The following KIF26B variants were observed in gnomAD, a reference collection of about 807,000 sequenced individuals.
The protein encoded by KIF26B is kinesin family member 26B.
KIF26B carries 63 observed loss-of-function variants against 151.2 expected under a neutral mutation model. That is an observed-to-expected ratio of 0.42 (90% CI 0.34 to 0.51). KIF26B has a LOEUF of 0.51. Ranked by LOEUF, KIF26B falls within the 20% of genes least tolerant of loss-of-function variation. The pLI is 0.07. For missense variants in KIF26B, 2,813 were observed against 2,913.6 expected (o/e 0.97, Z 0.79); for synonymous variants, 1,357 against 1,262.1 (o/e 1.08, Z -1.59).
chr1:245,549,285 CAT>C (rs1180690752), intron 5 of KIF26B, among the ~76,000 whole-genome samples: 1 of 152,156 alleles, frequency 6.6e-6, no homozygotes, highest in Non-Finnish European at 1.5e-5. Context: ...GGAATAAAAA[CAT>C]GAGATAAAAT....
chr1:245,608,671 T>G (rs2043483401), intron 7 of KIF26B, among the ~76,000 whole-genome samples: 1 of 152,174 alleles, frequency 6.6e-6, no homozygotes, highest in South Asian at 2.1e-4. Flanking sequence ...TGTAAAGCAG[T>G]GCAGGAACTG....
Position 245,685,490 on chromosome 1 carries a change from G to A in KIF26B, c.2507G>A (p.Arg836Lys). Residue 836 changes from arginine to lysine, a missense_variant, in exon 12 of 15, where the codon AGG becomes AAG. Transcript: ENST00000407071. ...ACCCAGCTGAGACCCTTCCACACCAGGGCCACGGTGGACCCTGACTTCCCC... is the reference window on the plus strand; with the variant it reads ...ACCCAGCTGAGACCCTTCCACACCAAGGCCACGGTGGACCCTGACTTCCCC... ...RPTQLRPFHTRATVDPDFPIA... is the reference protein window; with the variant it reads ...RPTQLRPFHTKATVDPDFPIA... 1 of 1,613,710 alleles carries A rather than the reference G, an allele frequency of 6.2e-7. No homozygotes were observed. Among genetic ancestry groups the A allele is most frequent in the Non-Finnish European group, 8.5e-7 (1 of 1,179,780 alleles).
At chr1:245,617,232 G>C (rs894629114) in intron 9 of KIF26B, among the ~76,000 whole-genome samples, 1 of 152,200 alleles carries the variant, frequency 6.6e-6, no homozygotes, top group African/African-American at 2.4e-5. Context: ...GAGTAGCTGA[G>C]ATGACAGGCG....
chr1:245,646,113 T>G lies in KIF26B; in HGVS notation c.2099-8T>G. On this transcript the variant is annotated splice_polypyrimidine_tract_variant and splice_region_variant and intron_variant, in intron 9 of 14. Transcript: ENST00000407071. ...ACCATTTCTCTTTTATCTTCTCCCCTGTGGTAGTGTCTGGAGGTCGCAGCC... is the reference window on the plus strand; with the variant it reads ...ACCATTTCTCTTTTATCTTCTCCCCGGTGGTAGTGTCTGGAGGTCGCAGCC... 1 of 1,613,636 alleles carries G rather than the reference T, an allele frequency of 6.2e-7. No individual in the cohort carries two copies.
At chr1:245,237,962 G>T (rs867392689) in intron 2 of KIF26B, among the ~76,000 whole-genome samples, 28 of 151,708 alleles carry the variant, frequency 1.8e-4, no homozygotes, top group Middle Eastern at 3.4e-3. Flanking sequence ...GGAGGTCGAG[G>T]CTGTGGTGAG....
At chr1:245,574,582 G>A (rs1004458718) in intron 5 of KIF26B, among the ~76,000 whole-genome samples, 1 of 152,200 alleles carries the variant, frequency 6.6e-6, no homozygotes, top group African/African-American at 2.4e-5. Context: ...CCCCTGGAAG[G>A]TTCTGGAGTT....
intron 5 of KIF26B, among the ~76,000 whole-genome samples, chr1:245,552,469 C>T (rs1197515590): frequency 6.6e-6 from 1 of 152,066 alleles, no homozygotes; most frequent in African/African-American, 2.4e-5. Flanking sequence ...TATCTGAATA[C>T]CGGGGCCCAG....
intron 2 of KIF26B, among the ~76,000 whole-genome samples, chr1:245,283,608 A>G (rs1671104703): frequency 6.6e-6 from 1 of 152,074 alleles, no homozygotes; most frequent in African/African-American, 2.4e-5. Context: ...CCTGTGTGCA[A>G]AAAAGTATAT....
intron 4 of KIF26B, among the ~76,000 whole-genome samples, chr1:245,494,027 G>C (rs80081661): frequency 1.3e-5 from 2 of 152,110 alleles, no homozygotes; most frequent in African/African-American, 2.4e-5. Flanking sequence ...CACATGGCGG[G>C]GTGCGGTGGC....
intron 6 of KIF26B, among the ~76,000 whole-genome samples, 166 bp from the exon 7 acceptor site, chr1:245,607,485 C>T (rs1435582814): frequency 6.6e-6 from 1 of 152,206 alleles, no homozygotes; most frequent in Non-Finnish European, 1.5e-5. Context: ...CGGAAGGTCG[C>T]CAGGGGTTCT....
intron 4 of KIF26B, among the ~76,000 whole-genome samples, chr1:245,478,851 GT>G (rs1447396715): frequency 1.3e-5 from 2 of 151,814 alleles, no homozygotes; most frequent in African/African-American, 4.8e-5. Flanking sequence ...TCAGACCAGG[GT>G]GGGAGCAGTG....
rs1416404900 is a variant in KIF26B, at chr1:245,167,217, A to C, written c.465+10534A>C. On this transcript the variant is annotated intron_variant, in intron 2 of 14. Coordinates refer to ENST00000407071, the MANE Select transcript of KIF26B (RefSeq NM_018012.4). The surrounding 1 kb of genome is among the most constrained non-coding windows in gnomAD (Gnocchi z 4.2). ...TTTTTTGCTTGAAAGCATGAGCTGC[A>C]AATAATAAATTAAAATCCGCTTTTC... Among the ~76,000 whole-genome samples the C allele has an allele frequency of 1.3e-5, 2 of 152,106 alleles. No individual in the cohort carries two copies. The highest frequency in any genetic ancestry group is 2.9e-5 in the Non-Finnish European group (2 of 68,022).
chr1:245,372,536 T>C lies in KIF26B; in HGVS notation c.999+5169T>C, dbSNP rs553233302. Among the ~76,000 whole-genome samples the C allele has an allele frequency of 1.7e-3, 265 of 152,280 alleles. 2 individuals carry two copies. The highest frequency in any genetic ancestry group is 5.9e-3 in the African/African-American group (244 of 41,568). The stretch of plus-strand genomic sequence containing the variant: ...CCTCCTCCCACCCTCCACCCCCAAG[T>C]AGGCCCAGTGTCTATTGTTCCTCGT... On this transcript the variant is annotated intron_variant, in intron 3 of 14. Coordinates refer to ENST00000407071, the MANE Select transcript of KIF26B (RefSeq NM_018012.4).
chr1:245,365,519 CCA>C (rs1672926849), intron 2 of KIF26B, among the ~76,000 whole-genome samples: 1 of 148,936 alleles, frequency 6.7e-6, no homozygotes, highest in Admixed American at 6.6e-5. Context: ...CAACTCCCCC[CCA>C]CCAGCCTACA....
At chr1:245,696,337 A>C (rs1399624175) in intron 12 of KIF26B, among the ~76,000 whole-genome samples, 9 of 152,250 alleles carry the variant, frequency 5.9e-5, no homozygotes. Flanking sequence ...GCCTCCTGCC[A>C]TGATGACATG....
chr1:245,490,299 G>A (rs1035067361), intron 4 of KIF26B, among the ~76,000 whole-genome samples: 2 of 137,650 alleles, frequency 1.5e-5, no homozygotes, highest in East Asian at 2.2e-4. Context: ...CCAAGCTTCT[G>A]TAGAACATTT....
intron 5 of KIF26B, among the ~76,000 whole-genome samples, chr1:245,579,477 G>A (rs765467354): frequency 2.0e-5 from 3 of 151,212 alleles, no homozygotes; most frequent in South Asian, 4.2e-4. Flanking sequence ...CAGCCTGAGC[G>A]ACAGAGCTAG....
intron 2 of KIF26B, among the ~76,000 whole-genome samples, chr1:245,205,217 G>A (rs933434232): frequency 6.6e-6 from 1 of 152,158 alleles, no homozygotes; most frequent in African/African-American, 2.4e-5. Flanking sequence ...ACTGGCTTTT[G>A]TGCATACCAG....
intron 4 of KIF26B, among the ~76,000 whole-genome samples, chr1:245,513,378 A>AAAT (rs1429384382): frequency 6.6e-6 from 1 of 152,202 alleles, no homozygotes; most frequent in Non-Finnish European, 1.5e-5. Flanking sequence ...AATTAAAAAA[A>AAAT]AATACTAGAG....
Sources: gnomAD v4.1 joint callset for allele counts (sites outside exome capture counted in the v4.1 genomes callset) on GRCh38, gnomAD v4.1.1 for gene constraint, Gnocchi (gnomAD v3.1) non-coding constraint, MANE v1.5 for transcripts, NCBI Gene and HGNC (gene_info 2026-07-23, HGNC 2026-07-21) for gene names.